SNW1: variants seen among roughly 807,000 people sequenced by gnomAD.
SNW1 encodes SNW domain-containing protein 1.
SNW1 carries 9 observed loss-of-function variants against 75.6 expected under a neutral mutation model. That is an observed-to-expected ratio of 0.12 (90% CI 0.07 to 0.21). The LOEUF is 0.21. SNW1 is among the 10% of genes least tolerant of loss of function. The pLI is 1.00. For synonymous variants in SNW1, 200 were observed against 219.1 expected (o/e 0.91, Z 0.77); for missense variants, 409 against 670.9 (o/e 0.61, Z 4.31).
At chr14:77,746,135 G>A (rs2080758715) in intron 3 of SNW1, among the ~76,000 whole-genome samples, 1 of 152,232 alleles carries the variant, frequency 6.6e-6, no homozygotes, top group African/African-American at 2.4e-5. Context: ...GAGAGTTGAA[G>A]CTAGCCAAGA....
rs1566829295 is a variant in SNW1 at position 77,732,505 on chromosome 14, G to C, written c.871C>G (p.Leu291Val). 1 of 1,594,344 alleles carries C rather than the reference G, an allele frequency of 6.3e-7. No individual in the cohort carries two copies. Among genetic ancestry groups the C allele is most frequent in the Non-Finnish European group, 8.6e-7 (1 of 1,162,284 alleles). Residue 291 changes from leucine (L) to valine (V), a missense_variant, in exon 9 of 14, where the codon CTC becomes GTC. Leu to Val is a conservative substitution (Grantham distance 32). This residue lies in a region of SNW1 where 37 missense variants were observed against 110.0 expected (regional missense o/e 0.34). Coordinates refer to ENST00000261531, the MANE Select transcript of SNW1 (RefSeq NM_012245.3). ...CCAACCTTCCGATCAGCAATGTAGA[G>C]GGCTTCTGCCAATTTGGCGAAATTT... ...NENFAKLAEA[L>V]YIADRKAREA...
Position 77,736,991 on chromosome 14 carries a change from T to G in SNW1, c.618A>C (p.Pro206=). 2 of 1,613,378 alleles carry G rather than the reference T, an allele frequency of 1.2e-6. No individual in the cohort carries two copies. The highest frequency in any genetic ancestry group is 1.3e-5 in the African/African-American group (1 of 75,024). The part of the protein sequence containing the change: ...VIRMVEMQKD[P]MEPPRFKINK... The stretch of plus-strand genomic sequence containing the variant: ...CTTACTTGAACCTTGGAGGCTCCAT[T>G]GGATCTTTCTGCATTTCTACCATCC... Residue 206 remains proline (P), a synonymous_variant, in exon 6 of 14, where the codon CCA becomes CCC. Coordinates refer to ENST00000261531, the MANE Select transcript of SNW1 (RefSeq NM_012245.3).
chr14:77,725,197 C>T (rs1485152832), intron 10 of SNW1, among the ~76,000 whole-genome samples: 2 of 152,162 alleles, frequency 1.3e-5, no homozygotes, highest in African/African-American at 2.4e-5. Context: ...CAGATTATCT[C>T]GTTTCTTTGC....
At chr14:77,720,896 T>C in intron 11 of SNW1, 68 bp from the exon 12 acceptor site, 1 of 934,840 alleles carries the variant, frequency 1.1e-6, no homozygotes, top group Non-Finnish European at 1.7e-6. Flanking sequence ...TCAATAGAAA[T>C]ACAACCAATC....
At chr14:77,736,681 C>T (rs1018441215) in intron 6 of SNW1, among the ~76,000 whole-genome samples, 5 of 152,156 alleles carry the variant, frequency 3.3e-5, no homozygotes, top group African/African-American at 1.2e-4. Context: ...CCTGTGAAAT[C>T]ATCATCACAA....
At chr14:77,719,180 C>T (rs1278551659) in intron 12 of SNW1, among the ~76,000 whole-genome samples, 1 of 152,088 alleles carries the variant, frequency 6.6e-6, no homozygotes, top group Non-Finnish European at 1.5e-5. Flanking sequence ...GGATTACAGG[C>T]GTGAGCCACA....
chr14:77,723,413 G>C, intron 10 of SNW1, 136 bp from the exon 11 acceptor site: 2 of 662,304 alleles, frequency 3.0e-6, no homozygotes, highest in South Asian at 1.8e-5. Flanking sequence ...GTAGTAGCAT[G>C]AACATGGTTC....
intron 1 of SNW1, among the ~76,000 whole-genome samples, chr14:77,759,856 G>C (rs1200780439): frequency 1.3e-5 from 2 of 151,960 alleles, no homozygotes; most frequent in Non-Finnish European, 2.9e-5. Context: ...GGTGGCTCAT[G>C]CCTGTAATCC....
At chr14:77,757,916 A>AATT (rs2080853618) in intron 1 of SNW1, among the ~76,000 whole-genome samples, 1 of 138,506 alleles carries the variant, frequency 7.2e-6, no homozygotes, top group Non-Finnish European at 1.6e-5. Context: ...AAATCAATCT[A>AATT]ATCATCTATC....
At chr14:77,727,497 C>G (rs558136371) in intron 10 of SNW1, among the ~76,000 whole-genome samples, 1 of 152,186 alleles carries the variant, frequency 6.6e-6, no homozygotes, top group Admixed American at 6.5e-5. Context: ...TCCAATGTTT[C>G]TCCATTCAGT....
At chr14:77,741,466 T>C (rs777888718) in intron 3 of SNW1, among the ~76,000 whole-genome samples, 18 of 152,126 alleles carry the variant, frequency 1.2e-4, no homozygotes, top group Non-Finnish European at 1.3e-4. Flanking sequence ...TACACTAAAA[T>C]CTCCAGCTTG....
In SNW1 at chr14:77,721,074, A is replaced by G. The variant is rs1191971946; in HGVS notation, c.1131-246T>C. The G allele has an allele frequency of 8.7e-6, 4 of 459,606 alleles. 1 individual carries two copies. The highest frequency in any genetic ancestry group is 5.0e-5 in the South Asian group (2 of 40,114). 28.5% of individuals were successfully genotyped at this position (459,606 alleles called of 1,614,324 possible). A position where few individuals can be genotyped will look rare whatever the true frequency, so the allele number is the denominator to read the frequency against. On this transcript the variant is annotated intron_variant, in intron 11 of 13. Coordinates refer to ENST00000261531, the MANE Select transcript of SNW1 (RefSeq NM_012245.3). ...AAGAACATCTAACAGATTCGTTGAC[A>G]TGGAATTCTTTAATATAAGCAATCA...
chr14:77,736,041 G>T, intron 6 of SNW1, 35 bp from the exon 7 acceptor site: 7 of 1,500,832 alleles, frequency 4.7e-6, no homozygotes, highest in Non-Finnish European at 6.5e-6. Flanking sequence ...GAGTGATATA[G>T]TTTCCTCCCT....
At chr14:77,746,902 C>T (rs2080764399) in intron 3 of SNW1, among the ~76,000 whole-genome samples, 1 of 151,050 alleles carries the variant, frequency 6.6e-6, no homozygotes, top group Admixed American at 6.6e-5. Flanking sequence ...TCCCCCTCCC[C>T]CTCCCCCCTT....
chr14:77,755,791 T>G (rs2080838604), intron 1 of SNW1, among the ~76,000 whole-genome samples: 1 of 150,762 alleles, frequency 6.6e-6, no homozygotes, highest in African/African-American at 2.5e-5. Context: ...TAGGCTAGAG[T>G]GCAGTGGCAC....
At chr14:77,757,071 T>C (rs927510898) in intron 1 of SNW1, among the ~76,000 whole-genome samples, 1 of 152,138 alleles carries the variant, frequency 6.6e-6, no homozygotes, top group African/African-American at 2.4e-5. Context: ...ATGGAGAAAA[T>C]AACCTTAGTT....
chr14:77,749,161 G>C (rs1375455999), intron 3 of SNW1, among the ~76,000 whole-genome samples: 1 of 152,204 alleles, frequency 6.6e-6, no homozygotes, highest in Admixed American at 6.5e-5. Context: ...ACAGTCATCA[G>C]CATATGAGTG....
intron 1 of SNW1, among the ~76,000 whole-genome samples, chr14:77,756,420 C>T (rs939427587): frequency 3.7e-4 from 56 of 152,324 alleles, no homozygotes; most frequent in African/African-American, 1.2e-3. Flanking sequence ...TGAGCCACCA[C>T]GCCTGGCTAC....
chr14:77,733,454 G>GA (rs1041821664), intron 8 of SNW1, among the ~76,000 whole-genome samples: 4 of 151,152 alleles, frequency 2.6e-5, no homozygotes, highest in African/African-American at 7.3e-5. Flanking sequence ...TTAGTAAATA[G>GA]AAAAAAAAGG....
Sources: allele counts gnomAD v4.1 joint callset (sites outside exome capture counted in the v4.1 genomes callset), GRCh38; gene constraint gnomAD v4.1.1; regional missense constraint gnomAD v4.1.1; transcripts MANE v1.5; gene names NCBI Gene and HGNC (gene_info 2026-07-23, HGNC 2026-07-21).